Variants in RELB observed in about 807,000 individuals in gnomAD.
RELB encodes RELB proto-oncogene, NF-kB subunit.
In RELB, 14 loss-of-function variants were observed where a neutral mutation model predicts 55.4. The observed-to-expected ratio is 0.25, with a 90% CI of 0.17 to 0.40. RELB has a LOEUF of 0.40. Among genes scored for constraint, RELB ranks in the 10% least tolerant of loss-of-function variants. The pLI is 1.00. For synonymous variants in RELB, 409 were observed against 371.3 expected, an observed-to-expected ratio of 1.10 and a Z score of -1.17; for missense variants, 669 against 830.7, an observed-to-expected ratio of 0.81 and a Z score of 2.39.
chr19:45,017,360 G>A (rs1971431082), intron 4 of RELB, among the ~76,000 whole-genome samples: 1 of 148,438 alleles, frequency 6.7e-6, no homozygotes, highest in South Asian at 2.2e-4. Flanking sequence ...AGGCCGAGGT[G>A]GGCGGACCAC....
At chr19:45,018,128 A>G (rs1012609616) in intron 4 of RELB, among the ~76,000 whole-genome samples, 1 of 151,136 alleles carries the variant, frequency 6.6e-6, no homozygotes, top group Non-Finnish European at 1.5e-5. Flanking sequence ...TTCTTGGCCG[A>G]GCGTGGTGGC....
At chr19:45,027,094 G>A (rs1397895323) in intron 7 of RELB, among the ~76,000 whole-genome samples, 6 of 151,860 alleles carry the variant, frequency 4.0e-5, no homozygotes, top group African/African-American at 1.5e-4. Context: ...TTAGCCGGGC[G>A]TCGTGGCGGG....
At chr19:45,025,235 G>A in intron 5 of RELB, 94 bp from the exon 6 acceptor site, 2 of 822,992 alleles carry the variant, frequency 2.4e-6, no homozygotes, top group Non-Finnish European at 4.0e-6. Context: ...GAGAGCCTGA[G>A]CCCCACAGCA....
chr19:45,030,989 G>A (rs976893432), intron 8 of RELB, among the ~76,000 whole-genome samples: 3 of 152,050 alleles, frequency 2.0e-5, no homozygotes, highest in Admixed American at 1.3e-4. Context: ...TATACAATAC[G>A]GTACCTAATA....
intron 4 of RELB, among the ~76,000 whole-genome samples, chr19:45,019,775 T>G (rs891553860): frequency 6.6e-6 from 1 of 152,128 alleles, no homozygotes; most frequent in African/African-American, 2.4e-5. Flanking sequence ...TCTCCAGGGT[T>G]CAAGTGATTC....
intron 3 of RELB, among the ~76,000 whole-genome samples, chr19:45,010,110 G>T (rs917225397): frequency 4.7e-5 from 7 of 149,512 alleles, no homozygotes; most frequent in Admixed American, 2.7e-4. Flanking sequence ...GACTAGCCTG[G>T]GTAACATAGT....
In RELB at chr19:45,013,045, G is replaced by A. The variant is rs553970788; in HGVS notation, c.504+769G>A. Among the ~76,000 whole-genome samples the A allele has an allele frequency of 8.8e-5, 13 of 148,340 alleles. No homozygotes were observed. In the East Asian group the frequency reaches 2.6e-3, roughly 30 times the overall value. On this transcript the variant is annotated intron_variant, in intron 4 of 11. Transcript: ENST00000221452. ...AGCCTGAGCAACAGAGCAATACCCT[G>A]CCTCCATTAAAAAACAAACAAATAT...
chr19:45,010,773 G>A (rs1234156249), intron 3 of RELB, among the ~76,000 whole-genome samples: 1 of 152,104 alleles, frequency 6.6e-6, no homozygotes, highest in African/African-American at 2.4e-5. Flanking sequence ...CACCTCCCAG[G>A]TTCAAGCAAT....
intron 4 of RELB, among the ~76,000 whole-genome samples, chr19:45,016,008 T>A (rs1014990009): frequency 2.7e-4 from 41 of 151,536 alleles, no homozygotes; most frequent in African/African-American, 8.9e-4. Flanking sequence ...TTATTATTAT[T>A]TTTTTTTTGA....
At chr19:45,014,606 C>T (rs1401655553) in intron 4 of RELB, among the ~76,000 whole-genome samples, 1 of 151,890 alleles carries the variant, frequency 6.6e-6, no homozygotes, top group African/African-American at 2.4e-5. Context: ...CAACCTCCAC[C>T]TCCTGGGTTC....
rs1452443919 is a variant in RELB at position 45,037,590 on chromosome 19, G to A, written c.1540G>A (p.Ala514Thr). ...GCCCCCGGCACCGCCACACGCTAGC[G>A]CTGTTGTGTGCAGCGGAGGTGCCGG... ...LLPPAPPHAS[A>T]VVCSGGAGAV... is the part of the protein sequence containing the mutation. The change falls in exon 12 of 12, where the codon GCT becomes ACT. Residue 514 changes from alanine (A) to threonine (T), a missense_variant. Physicochemically the swap from Ala to Thr is moderately conservative, Grantham distance 58 (BLOSUM62 0). Around this residue, in one of 3 missense-constraint regions of RELB, gnomAD observed 341 missense variants for 436.8 expected, o/e 0.78. Transcript: ENST00000221452. The A allele has an allele frequency of 2.5e-6, 4 of 1,610,416 alleles. No individual in the cohort carries two copies. The highest frequency in any genetic ancestry group is 1.3e-5 in the African/African-American group (1 of 74,716).
intron 3 of RELB, 73 bp downstream of exon 3, chr19:45,009,895 C>A: frequency 7.5e-7 from 1 of 1,327,918 alleles, no homozygotes; most frequent in Non-Finnish European, 1.0e-6. Context: ...CTTGGCCTTC[C>A]TTGTTCAGTG....
At position 45,023,740 on chromosome 19, in the gene RELB, CTTTTTT is replaced by C. The variant is rs1168078618; in HGVS notation, c.662+1553_662+1558del. 2.9e-4 allele frequency among the ~76,000 whole-genome samples: 11 copies of C among 38,386 alleles called. No homozygotes were observed. In the South Asian group the frequency reaches 4.9e-3, roughly 17 times the overall value. 25.2% of individuals were successfully genotyped at this position (38,386 alleles called of 152,430 possible). A position where few individuals can be genotyped will look rare whatever the true frequency, so the allele number is the denominator to read the frequency against. On this transcript the variant is annotated intron_variant, in intron 5 of 11. Transcript: ENST00000221452. The stretch of plus-strand genomic sequence containing the variant: ...GGTGTGAGCCCACTGTGCCCAGCCT[CTTTTTT>C]TTTTTTTTTTTTTTTTTTTTTTGAG...
intron 3 of RELB, 59 bp from the exon 4 acceptor site, chr19:45,011,872 CTTTTT>C: frequency 1.3e-6 from 1 of 794,844 alleles, no homozygotes; most frequent in Non-Finnish European, 1.7e-6. Context: ...GTAATCAAGC[CTTTTT>C]TTTTTTTTTT....
intron 11 of RELB, 151 bp from the exon 12 acceptor site, chr19:45,037,254 C>T (rs1971698489): frequency 3.5e-6 from 3 of 851,522 alleles, no homozygotes; most frequent in Middle Eastern, 3.5e-4. Flanking sequence ...TGCACTCCAG[C>T]CAGGGTGACA....
Position 45,037,877 on chromosome 19 carries a change from C to G in RELB, c.*87C>G, listed in dbSNP as rs936815365. 1 of 1,310,246 alleles carries G rather than the reference C, an allele frequency of 7.6e-7. No homozygotes were observed. The highest frequency in any genetic ancestry group is 1.0e-6 in the Non-Finnish European group (1 of 991,274). 81.2% of individuals were successfully genotyped at this position (1,310,246 alleles called of 1,614,324 possible). On this transcript the variant is annotated 3_prime_UTR_variant, in exon 12 of 12. Transcript: ENST00000221452. Reference sequence around the variant, plus strand: ...AACCAGGATGTCTAGCACCCCCATCCCCTTGGCCCTTCCTCATGCTTCTGA... The same window carrying G: ...AACCAGGATGTCTAGCACCCCCATCGCCTTGGCCCTTCCTCATGCTTCTGA...
At chr19:45,023,394 T>G (rs1044320007) in intron 5 of RELB, among the ~76,000 whole-genome samples, 13 of 42,780 alleles carry the variant, frequency 3.0e-4, no homozygotes, top group Admixed American at 2.0e-3. Flanking sequence ...GCAGTTTTCT[T>G]TCCTTCCTTC....
chr19:45,018,993 C>A (rs1211997446), intron 4 of RELB, among the ~76,000 whole-genome samples: 1 of 152,144 alleles, frequency 6.6e-6, no homozygotes, highest in Non-Finnish European at 1.5e-5. Flanking sequence ...CACCAGTTGA[C>A]ATTTTGCCAC....
chr19:45,034,857 T>TG (rs1300943026), intron 11 of RELB, among the ~76,000 whole-genome samples: 1 of 151,408 alleles, frequency 6.6e-6, no homozygotes, highest in Non-Finnish European at 1.5e-5. Flanking sequence ...TTTTTTTTTT[T>TG]GGAGATGGAG....
Sources: allele counts gnomAD v4.1 joint callset (sites outside exome capture counted in the v4.1 genomes callset), GRCh38; gene constraint gnomAD v4.1.1; regional missense constraint gnomAD v4.1.1; transcripts MANE v1.5; gene names NCBI Gene and HGNC (gene_info 2026-07-23, HGNC 2026-07-21).